CTNNA3: variants seen among roughly 807,000 people sequenced by gnomAD.
The protein encoded by CTNNA3 is catenin alpha-3.
In CTNNA3, 76 loss-of-function variants were observed where a neutral mutation model predicts 95.7. The ratio of observed to expected loss-of-function variants is 0.79; its 90% confidence interval spans 0.66 to 0.96. The LOEUF (loss-of-function observed/expected upper bound fraction) is 0.96. Ranked by LOEUF, CTNNA3 falls within the 40% of genes least tolerant of loss-of-function variation. The pLI is 0.00. For synonymous variants in CTNNA3, 431 were observed against 374.4 expected (o/e 1.15, Z -1.74); for missense variants, 1,191 against 1,089.8 (o/e 1.09, Z -1.31).
chr10:67,572,206 A>AT (rs934976575), intron 3 of CTNNA3, among the ~76,000 whole-genome samples: 2 of 151,954 alleles, frequency 1.3e-5, no homozygotes, highest in East Asian at 3.9e-4. Context: ...ATTTACTTAA[A>AT]TTTTTTTTGT....
chr10:66,938,460 A>G (rs997304338), intron 7 of CTNNA3, among the ~76,000 whole-genome samples: 4 of 152,194 alleles, frequency 2.6e-5, no homozygotes, highest in Non-Finnish European at 5.9e-5. Flanking sequence ...ATTATTAAGA[A>G]AATCATAAGG....
chr10:66,146,672 T>G (rs61858404), intron 13 of CTNNA3, among the ~76,000 whole-genome samples: 27,011 of 152,154 alleles, frequency 0.18, 2,599 homozygotes, highest in Admixed American at 0.25. Flanking sequence ...TCCACCCACC[T>G]TGGCCTCCTG....
chr10:66,484,648 C>A (rs991364241), intron 11 of CTNNA3, among the ~76,000 whole-genome samples: 3 of 151,896 alleles, frequency 2.0e-5, no homozygotes, highest in Non-Finnish European at 4.4e-5. Context: ...ATAGTGACTA[C>A]AACATGATGA....
At chr10:67,456,031 C>A (rs1847161157) in intron 5 of CTNNA3, among the ~76,000 whole-genome samples, 1 of 152,192 alleles carries the variant, frequency 6.6e-6, no homozygotes, top group East Asian at 1.9e-4. Context: ...TGTAATTTTT[C>A]TGTAAATCTA....
At chr10:67,522,092 G>A (rs1840005240) in intron 4 of CTNNA3, 131 bp from the exon 5 acceptor site, 1 of 839,754 alleles carries the variant, frequency 1.2e-6, no homozygotes, top group African/African-American at 1.7e-5. Flanking sequence ...ACAAATGCTA[G>A]CTAATTATCT....
At chr10:66,848,903 G>T (rs960070367) in intron 7 of CTNNA3, among the ~76,000 whole-genome samples, 8 of 152,188 alleles carry the variant, frequency 5.3e-5, no homozygotes, top group Non-Finnish European at 1.2e-4. Context: ...TTTCATAATT[G>T]AATCATATTT....
intron 11 of CTNNA3, among the ~76,000 whole-genome samples, chr10:66,443,670 CT>C (rs1475226885): frequency 2.6e-5 from 4 of 151,984 alleles, no homozygotes; most frequent in Non-Finnish European, 4.4e-5. Flanking sequence ...AAAAACCCAT[CT>C]GTACGTTGCC....
intron 10 of CTNNA3, among the ~76,000 whole-genome samples, chr10:66,546,874 T>C (rs2631210): frequency 0.92 from 140,156 of 152,196 alleles, 64,735 homozygotes; most frequent in East Asian, 0.98. Flanking sequence ...TTTTATCAGA[T>C]TTGATATGTC....
intron 1 of CTNNA3, among the ~76,000 whole-genome samples, chr10:67,735,825 C>T (rs925315701): frequency 6.6e-6 from 1 of 152,048 alleles, no homozygotes; most frequent in Non-Finnish European, 1.5e-5. Context: ...CAAGAGAATA[C>T]CTGAAAACAG....
chr10:66,189,695 T>G (rs1311846344), intron 13 of CTNNA3, among the ~76,000 whole-genome samples: 1 of 150,484 alleles, frequency 6.6e-6, no homozygotes, highest in East Asian at 1.9e-4. Flanking sequence ...TTCTTTTAAA[T>G]TACATAGTAG....
chr10:66,731,139 G>A (rs1272639566), intron 9 of CTNNA3, among the ~76,000 whole-genome samples: 4 of 152,144 alleles, frequency 2.6e-5, no homozygotes, highest in African/African-American at 9.7e-5. Context: ...CAAATTGCTA[G>A]GGGAATTCAT....
intron 5 of CTNNA3, among the ~76,000 whole-genome samples, chr10:67,466,692 C>T (rs978973175): frequency 6.6e-6 from 1 of 152,134 alleles, no homozygotes; most frequent in African/African-American, 2.4e-5. Context: ...TATGAGATGT[C>T]AAGCGGTGTT....
chr10:66,006,696 C>A (rs2078894044), intron 15 of CTNNA3, among the ~76,000 whole-genome samples: 1 of 152,056 alleles, frequency 6.6e-6, no homozygotes, highest in Admixed American at 6.6e-5. Flanking sequence ...GCCCCTGCTC[C>A]TTTCATATCA....
intron 17 of CTNNA3, among the ~76,000 whole-genome samples, chr10:65,954,497 T>C (rs1050769663): frequency 7.9e-5 from 12 of 152,222 alleles, no homozygotes; most frequent in African/African-American, 2.9e-4. Flanking sequence ...CTAGGTTTTC[T>C]TCTAGAGTTT....
chr10:66,969,597 A>C (rs917481821), intron 7 of CTNNA3, among the ~76,000 whole-genome samples: 3 of 152,142 alleles, frequency 2.0e-5, no homozygotes, highest in Non-Finnish European at 4.4e-5. Flanking sequence ...TTTTCATGAT[A>C]ATTTGTATTA....
At chr10:66,443,674 A>G in intron 11 of CTNNA3, among the ~76,000 whole-genome samples, 1 of 152,110 alleles carries the variant, frequency 6.6e-6, no homozygotes, top group Non-Finnish European at 1.5e-5. Context: ...ACCCATCTGT[A>G]CGTTGCCATC....
In CTNNA3 at chr10:67,083,699, T is replaced by G. The variant is rs368270000; in HGVS notation, c.1047+96618A>C. Among the ~76,000 whole-genome samples, 165 of 152,260 alleles carry G rather than the reference T, an allele frequency of 1.1e-3. 7 individuals carry two copies. In the South Asian group the frequency reaches 0.034, roughly 31 times the overall value. ...CTCTACCCTATCAATAATACATATATGTCTCAGTTTCATGTCCCTTAATAA... is the reference window on the plus strand; with the variant it reads ...CTCTACCCTATCAATAATACATATAGGTCTCAGTTTCATGTCCCTTAATAA... On this transcript the variant is annotated intron_variant, in intron 7 of 17. Transcript: ENST00000433211.
chr10:66,053,421 A>G (rs983053938), intron 15 of CTNNA3, among the ~76,000 whole-genome samples: 1 of 152,036 alleles, frequency 6.6e-6, no homozygotes, highest in Admixed American at 6.6e-5. Flanking sequence ...CATACATGAC[A>G]TATTTTCATA....
chr10:66,529,387 C>T (rs572840625), intron 10 of CTNNA3, among the ~76,000 whole-genome samples: 4 of 151,122 alleles, frequency 2.6e-5, no homozygotes, highest in African/African-American at 9.7e-5. Flanking sequence ...CCGCCTTGGC[C>T]TCGCAAAGTG....
Sources: gnomAD v4.1 joint callset for allele counts (sites outside exome capture counted in the v4.1 genomes callset) on GRCh38, gnomAD v4.1.1 for gene constraint, MANE v1.5 for transcripts, NCBI Gene and HGNC (gene_info 2026-07-23, HGNC 2026-07-21) for gene names.